ADAM18: variants seen among roughly 807,000 people sequenced by gnomAD.
ADAM18 encodes the protein disintegrin and metalloproteinase domain-containing protein 18.
In ADAM18, 117 loss-of-function variants were observed where a neutral mutation model predicts 94.4. The observed-to-expected ratio is 1.24, with a 90% CI of 1.07 to 1.45. ADAM18 has a LOEUF of 1.45. Ranked by LOEUF, ADAM18 falls within the 40% of genes most tolerant of loss-of-function variation. The pLI is 0.00. For missense variants in ADAM18, 936 were observed against 880.0 expected (o/e 1.06, Z -0.81); for synonymous variants, 327 against 291.6 (o/e 1.12, Z -1.24).
At chr8:39,611,642 T>C in intron 6 of ADAM18, 1 of 953,746 alleles carries the variant, frequency 1.0e-6, no homozygotes, top group Non-Finnish European at 1.2e-6. Context: ...TACATCAGAG[T>C]AAAAGTTGGA....
chr8:39,626,580 C>T (rs1438931236), intron 6 of ADAM18, among the ~76,000 whole-genome samples: 1 of 151,616 alleles, frequency 6.6e-6, no homozygotes, highest in African/African-American at 2.4e-5. Flanking sequence ...TTGCTGTATC[C>T]CAGAGGTTTT....
chr8:39,719,885 C>G (rs1469193181), intron 18 of ADAM18, among the ~76,000 whole-genome samples: 3 of 151,412 alleles, frequency 2.0e-5, no homozygotes, highest in Non-Finnish European at 4.4e-5. Flanking sequence ...CATAAATCAG[C>G]TATTATACAA....
intron 16 of ADAM18, among the ~76,000 whole-genome samples, chr8:39,686,050 G>GT (rs1821598823): frequency 6.6e-6 from 1 of 152,102 alleles, no homozygotes; most frequent in Non-Finnish European, 1.5e-5. Context: ...GAAAACTGAG[G>GT]TTTTCTCTAA....
chr8:39,703,373 C>T (rs191109255), intron 17 of ADAM18, among the ~76,000 whole-genome samples: 24 of 152,072 alleles, frequency 1.6e-4, no homozygotes, highest in Non-Finnish European at 2.6e-4. Context: ...GCTTAAGAAG[C>T]TTTGAGGCTG....
At chr8:39,703,142 G>A (rs926128071) in intron 17 of ADAM18, among the ~76,000 whole-genome samples, 3 of 152,048 alleles carry the variant, frequency 2.0e-5, no homozygotes, top group African/African-American at 7.2e-5. Flanking sequence ...ATTTATTTGT[G>A]TCATCTGCGA....
chr8:39,723,022 G>A (rs1318484984), intron 18 of ADAM18, among the ~76,000 whole-genome samples: 1 of 151,460 alleles, frequency 6.6e-6, no homozygotes, highest in Non-Finnish European at 1.5e-5. Flanking sequence ...GAAATGTCCT[G>A]CAGTGCTTTG....
intron 18 of ADAM18, among the ~76,000 whole-genome samples, chr8:39,712,379 G>C (rs1204004679): frequency 6.6e-6 from 1 of 151,724 alleles, no homozygotes. Flanking sequence ...TTGAAAACTG[G>C]CACAAGATAA....
At chr8:39,633,789 A>C (rs1000484525) in intron 7 of ADAM18, among the ~76,000 whole-genome samples, 1 of 151,656 alleles carries the variant, frequency 6.6e-6, no homozygotes, top group Non-Finnish European at 1.5e-5. Context: ...TTAAAATGGA[A>C]GAAGAATGTA....
chr8:39,612,443 G>GA (rs1429674669), intron 6 of ADAM18, among the ~76,000 whole-genome samples: 1 of 152,134 alleles, frequency 6.6e-6, no homozygotes. Context: ...CTAGCTGCAG[G>GA]AGACCCCATG....
At chr8:39,621,605 T>G (rs952452987) in intron 6 of ADAM18, among the ~76,000 whole-genome samples, 1 of 152,106 alleles carries the variant, frequency 6.6e-6, no homozygotes, top group Non-Finnish European at 1.5e-5. Flanking sequence ...GCTCAGATAC[T>G]AAAGATATTT....
At chr8:39,689,431 C>T (rs1057050586) in intron 16 of ADAM18, among the ~76,000 whole-genome samples, 6 of 152,176 alleles carry the variant, frequency 3.9e-5, no homozygotes, top group Admixed American at 2.6e-4. Context: ...TTTATCCCGG[C>T]ATCATTTATT....
intron 2 of ADAM18, among the ~76,000 whole-genome samples, chr8:39,605,947 C>T (rs1296268733): frequency 1.3e-5 from 2 of 152,106 alleles, no homozygotes; most frequent in Non-Finnish European, 1.5e-5. Flanking sequence ...TGAGTGAGAA[C>T]ATGTGATGTT....
chr8:39,656,914 T>C (rs972641955), intron 12 of ADAM18, among the ~76,000 whole-genome samples: 4 of 152,194 alleles, frequency 2.6e-5, no homozygotes, highest in African/African-American at 9.7e-5. Flanking sequence ...TGAGGATAAG[T>C]AGCTATTAGG....
chr8:39,665,235 G>A (rs532632516), intron 13 of ADAM18, among the ~76,000 whole-genome samples: 1 of 152,212 alleles, frequency 6.6e-6, no homozygotes, highest in South Asian at 2.1e-4. Flanking sequence ...ATGTATTTGA[G>A]ATACATTCAT....
chr8:39,697,177 C>T lies in ADAM18; in HGVS notation c.1902+4497C>T, dbSNP rs78458269. ...TCCTTTTTGGGTTACGCATTGCTAG[C>T]CAGTGTATTAAAATGCAGCTATTTA... On this transcript the variant is annotated intron_variant, in intron 17 of 19. Coordinates refer to ENST00000265707, the MANE Select transcript of ADAM18 (RefSeq NM_014237.3). Among the ~76,000 whole-genome samples the T allele has an allele frequency of 2.3e-3, 349 of 151,464 alleles. 2 individuals carry two copies. Among genetic ancestry groups the T allele is most frequent in the African/African-American group, 7.8e-3 (323 of 41,452 alleles).
At chr8:39,643,659 C>A (rs1820297849) in intron 10 of ADAM18, among the ~76,000 whole-genome samples, 1 of 152,030 alleles carries the variant, frequency 6.6e-6, no homozygotes, top group Admixed American at 6.6e-5. Flanking sequence ...TTTTCTCTGC[C>A]TTTGCCCTAG....
chr8:39,609,606 A>T (rs150561452), intron 5 of ADAM18, 45 bp downstream of exon 5: 1 of 1,399,666 alleles, frequency 7.1e-7, no homozygotes, highest in East Asian at 2.3e-5. Context: ...AACTTAAGAT[A>T]GTCTTTAAAA....
chr8:39,708,420 C>G (rs1235133405), intron 18 of ADAM18, among the ~76,000 whole-genome samples: 1 of 152,120 alleles, frequency 6.6e-6, no homozygotes, highest in African/African-American at 2.4e-5. Context: ...ATTACAAACT[C>G]TGTAGGCTGT....
At chr8:39,685,958 T>A (rs571048257) in intron 16 of ADAM18, among the ~76,000 whole-genome samples, 2 of 152,280 alleles carry the variant, frequency 1.3e-5, no homozygotes, top group East Asian at 3.9e-4. Flanking sequence ...GGTCCTCATT[T>A]CAATTGAGAC....
Sources: gnomAD v4.1 joint callset for allele counts (sites outside exome capture counted in the v4.1 genomes callset) on GRCh38, gnomAD v4.1.1 for gene constraint, MANE v1.5 for transcripts, NCBI Gene and HGNC (gene_info 2026-07-23, HGNC 2026-07-21) for gene names.